DMD: variants seen among roughly 807,000 people sequenced by gnomAD.
DMD encodes mutant dystrophin.
Under a neutral mutation model 330.1 loss-of-function variants are expected in DMD, and 63 were observed. That is an observed-to-expected ratio of 0.19 (90% CI 0.16 to 0.24). The LOEUF (loss-of-function observed/expected upper bound fraction) is 0.24, where lower values mean the gene tolerates loss of function less well. Among genes scored for constraint, DMD ranks in the 10% least tolerant of loss-of-function variants. The pLI, the probability that DMD is intolerant of heterozygous loss-of-function variation, is 1.00. For missense variants in DMD, 3,344 were observed against 2,684.1 expected, an observed-to-expected ratio of 1.25 and a Z score of -5.43; for synonymous variants, 1,223 against 959.8, an observed-to-expected ratio of 1.27 and a Z score of -5.07.
rs866197436 is a variant in DMD, at chrX:32,376,173, C to T, written c.4845+4337G>A. On this transcript the variant is annotated intron_variant, in intron 34 of 78. Coordinates refer to ENST00000357033, the MANE Select transcript of DMD (RefSeq NM_004006.3). ...GCAGGTGTCTGTAATCCCAGCTACC[C>T]GGGAGGCTGGGGCAGGAGAACTGCT... is the stretch of plus-strand genomic sequence containing the variant. 1.6e-4 allele frequency among the ~76,000 whole-genome samples: 18 copies of T among 111,257 alleles called. No individual in the cohort carries two copies. In the South Asian group the frequency reaches 3.4e-3, roughly 21 times the overall value.
chrX:31,541,646 C>T (rs749676053), intron 55 of DMD, among the ~76,000 whole-genome samples: 5 of 110,287 alleles, frequency 4.5e-5, no homozygotes, highest in South Asian at 4.0e-4. Context: ...GCTTCATCCA[C>T]GTCCCTACAA....
intron 1 of DMD, among the ~76,000 whole-genome samples, chrX:33,181,248 CCAAT>C (rs1307491781): frequency 9.0e-6 from 1 of 111,102 alleles, no homozygotes; most frequent in Admixed American, 9.6e-5. Flanking sequence ...ATCATTGGAT[CCAAT>C]CAATTGATTT....
At chrX:32,679,972 T>C (rs1221097203) in intron 9 of DMD, among the ~76,000 whole-genome samples, 2 of 88,404 alleles carry the variant, frequency 2.3e-5, no homozygotes, top group African/African-American at 8.7e-5. Context: ...TGGAGTGCAG[T>C]GGCGCGATCT....
At position 31,120,562 on chromosome X, in the gene DMD, CA is replaced by C. The variant is rs2032233184; in HGVS notation, c.*1356del. 9.0e-6 allele frequency: 1 copy of C among 111,721 alleles called. No homozygotes were observed. Among genetic ancestry groups the C allele is most frequent in the African/African-American group, 3.2e-5 (1 of 30,787 alleles). The allele number at this position is 111,721 out of a possible 1,213,427, so 9.2% of individuals were successfully genotyped here. ...ACATGGGACAATAAATCTAAAAAAG[CA>C]ACAAAAACCAAACCACCCAGTTCCT... is the stretch of plus-strand genomic sequence containing the variant. On this transcript the variant is annotated 3_prime_UTR_variant, in exon 79 of 79. Transcript: ENST00000357033.
chrX:32,728,385 T>C (rs938012806), intron 7 of DMD, among the ~76,000 whole-genome samples: 1 of 111,669 alleles, frequency 9.0e-6, no homozygotes, highest in African/African-American at 3.2e-5. Flanking sequence ...CCATGTGAGG[T>C]CTATATTCAA....
chrX:31,833,283 AGAGAGAGAGGGAGAGAGGGAGAGAGG>A (rs1379030666), intron 49 of DMD, among the ~76,000 whole-genome samples: 5 of 44,529 alleles, frequency 1.1e-4, no homozygotes, highest in African/African-American at 8.6e-4. Context: ...GGAGAGAGAG[AGAGAGAGAGGGAGAGAGGGAGAGAGG>A]GAGAGAGGGA....
intron 43 of DMD, among the ~76,000 whole-genome samples, chrX:32,221,586 T>G (rs1186924999): frequency 8.9e-6 from 1 of 111,982 alleles, no homozygotes; most frequent in Non-Finnish European, 1.9e-5. Context: ...GTCTTTGGAA[T>G]ACAAGTGATT....
chrX:31,372,002 G>C (rs901476199), intron 60 of DMD, among the ~76,000 whole-genome samples: 2 of 111,770 alleles, frequency 1.8e-5, no homozygotes, highest in Admixed American at 9.5e-5. Context: ...TTAGAATTAA[G>C]GGAGATAACG....
rs770682257 is a variant in DMD, at chrX:32,454,678, G to A, written c.3587C>T (p.Ala1196Val). The change falls in exon 26 of 79, where the codon GCA (alanine) becomes GTA (valine). Residue 1196 changes from alanine (A) to valine (V), a missense_variant. Physicochemically the swap from Ala to Val is moderately conservative, Grantham distance 64. Coordinates refer to ENST00000357033, the MANE Select transcript of DMD (RefSeq NM_004006.3). ...EYKTPDELQK[A>V]VEEMKRAKEE... The stretch of plus-strand genomic sequence containing the variant: ...TTTTTTTACCTTCATCTCTTCAACT[G>A]CTTTCTGTAATTCATCTGGAGTTTT... 1.3e-5 allele frequency: 15 copies of A among 1,143,565 alleles called. No individual in the cohort carries two copies. In the South Asian group the frequency reaches 2.2e-4, roughly 17 times the overall value. 94.2% of individuals were successfully genotyped at this position (1,143,565 alleles called of 1,213,427 possible). A position where few individuals can be genotyped will look rare whatever the true frequency, so the allele number is the denominator to read the frequency against.
chrX:32,790,933 C>T (rs771168170), intron 7 of DMD, among the ~76,000 whole-genome samples: 1 of 111,268 alleles, frequency 9.0e-6, no homozygotes, highest in South Asian at 3.8e-4. Context: ...CCAGTGGTTG[C>T]ATGCACCACC....
intron 55 of DMD, among the ~76,000 whole-genome samples, chrX:31,508,788 T>TTC (rs1404205935): frequency 9.0e-6 from 1 of 111,090 alleles, no homozygotes; most frequent in South Asian, 3.8e-4. Context: ...AGTTTTTTTT[T>TTC]TCTCTCTCTC....
At chrX:32,336,650 A>G (rs902863742) in intron 41 of DMD, among the ~76,000 whole-genome samples, 1 of 111,896 alleles carries the variant, frequency 8.9e-6, no homozygotes, top group Non-Finnish European at 1.9e-5. Context: ...AGGGAATATA[A>G]AACATTTATA....
At position 32,287,604 on chromosome X, in the gene DMD, A is replaced by T; in HGVS notation, c.6215T>A (p.Val2072Glu). 1 of 1,210,059 alleles carries T rather than the reference A, an allele frequency of 8.3e-7. No homozygotes were observed. The highest frequency in any genetic ancestry group is 1.1e-6 in the Non-Finnish European group (1 of 894,405). Residue 2072 changes from valine to glutamate, a missense_variant, in exon 43 of 79, where the codon GTG becomes GAG. Val to Glu is a moderately radical substitution (Grantham distance 121). Transcript: ENST00000357033. ...ALQSATPVER[V>E]KLQEALSQLD... ...CTGGGAGAGAGCTTCCTGTAGCTTC[A>T]CCCTTTCCACAGGCGTTGCACTTTG... is the stretch of plus-strand genomic sequence containing the variant.
chrX:32,573,197 C>T (rs1192484628), intron 15 of DMD, among the ~76,000 whole-genome samples: 1 of 111,868 alleles, frequency 8.9e-6, no homozygotes, highest in Non-Finnish European at 1.9e-5. Context: ...TTCTGAGAAT[C>T]AACGTCAGTC....
intron 63 of DMD, among the ~76,000 whole-genome samples, chrX:31,230,651 G>GAA: frequency 1.3e-5 from 1 of 75,732 alleles, no homozygotes; most frequent in South Asian, 5.9e-4. Context: ...TCCATCTCAA[G>GAA]AAAAAAAAAA....
intron 7 of DMD, among the ~76,000 whole-genome samples, chrX:32,719,923 G>A (rs907415735): frequency 1.8e-5 from 2 of 108,962 alleles, no homozygotes; most frequent in African/African-American, 6.7e-5. Flanking sequence ...ATGTGCACAC[G>A]TGCACACACA....
chrX:32,511,839 T>C (rs1212257144), intron 18 of DMD, among the ~76,000 whole-genome samples: 1 of 111,674 alleles, frequency 9.0e-6, no homozygotes, highest in Non-Finnish European at 1.9e-5. Flanking sequence ...GCTATTAACA[T>C]ATAGAATACT....
intron 2 of DMD, among the ~76,000 whole-genome samples, chrX:32,928,747 C>T (rs756613385): frequency 3.6e-5 from 4 of 111,800 alleles, no homozygotes; most frequent in East Asian, 2.8e-4. Flanking sequence ...TATAAGGAGA[C>T]GTACCAGTTA....
At chrX:32,840,655 G>A (rs2080081041) in intron 4 of DMD, among the ~76,000 whole-genome samples, 1 of 111,805 alleles carries the variant, frequency 8.9e-6, no homozygotes, top group Admixed American at 9.5e-5. Context: ...CATTTTGCCC[G>A]TTTTTGAAAT....
Sources: gnomAD v4.1 joint callset for allele counts (sites outside exome capture counted in the v4.1 genomes callset) on GRCh38, gnomAD v4.1.1 for gene constraint, MANE v1.5 for transcripts, NCBI Gene and HGNC (gene_info 2026-07-23, HGNC 2026-07-21) for gene names.